Variants in RASSF5 observed in about 807,000 individuals in gnomAD.
The protein encoded by RASSF5 is Ras association domain family member 5, also known as ras association domain-containing protein 5.
RASSF5 carries 25 observed loss-of-function variants against 40.5 expected under a neutral mutation model. The ratio of observed to expected loss-of-function variants is 0.62; its 90% CI spans 0.45 to 0.86. The LOEUF (loss-of-function observed/expected upper bound fraction) is 0.86. Among genes scored for constraint, RASSF5 ranks in the 40% least tolerant of loss-of-function variants. The pLI, the probability that RASSF5 is intolerant of heterozygous loss-of-function variation, is 0.00. For synonymous variants in RASSF5, 246 were observed against 252.4 expected (o/e 0.97, Z 0.24); for missense variants, 521 against 572.8 (o/e 0.91, Z 0.92).
At chr1:206,514,602 A>G (rs963085420) in intron 1 of RASSF5, among the ~76,000 whole-genome samples, 2 of 152,228 alleles carry the variant, frequency 1.3e-5, no homozygotes, top group Non-Finnish European at 1.5e-5. Context: ...GACATCTGCA[A>G]TGGCCATTGG....
intron 1 of RASSF5, among the ~76,000 whole-genome samples, chr1:206,517,711 C>A (rs1553395597): frequency 6.6e-6 from 1 of 152,200 alleles, no homozygotes; most frequent in Non-Finnish European, 1.5e-5. Flanking sequence ...TGAGAGAACA[C>A]CTGTGAGTAC....
Position 206,588,114 on chromosome 1 carries a change from C to T in RASSF5, c.*1136C>T, listed in dbSNP as rs560429416. On this transcript the variant is annotated 3_prime_UTR_variant, in exon 6 of 6. Coordinates refer to ENST00000579436, the MANE Select transcript of RASSF5 (RefSeq NM_182663.4). Reference sequence around the variant, plus strand: ...TCGGAGAGCCGGTGGGCCTGGCCTCCCCGTCGACCTCAGTGCCTTTTTGTT... The same window carrying T: ...TCGGAGAGCCGGTGGGCCTGGCCTCTCCGTCGACCTCAGTGCCTTTTTGTT... 1 of 152,918 alleles carries T rather than the reference C, an allele frequency of 6.5e-6. No individual in the cohort carries two copies. Among genetic ancestry groups the T allele is most frequent in the Non-Finnish European group, 1.5e-5 (1 of 68,058 alleles). 9.5% of individuals were successfully genotyped at this position (152,918 alleles called of 1,614,324 possible).
intron 1 of RASSF5, among the ~76,000 whole-genome samples, chr1:206,515,932 G>GA (rs1666734685): frequency 6.6e-6 from 1 of 152,188 alleles, no homozygotes; most frequent in Non-Finnish European, 1.5e-5. Flanking sequence ...TTATTCAACT[G>GA]GAACAGATTC....
Position 206,508,068 on chromosome 1 carries a change from G to GA in RASSF5, c.457+11dup. 7.3e-7 allele frequency: 1 copy of GA among 1,374,944 alleles called. No homozygotes were observed. The highest frequency in any genetic ancestry group is 9.4e-7 in the Non-Finnish European group (1 of 1,064,378). 85.2% of individuals were successfully genotyped at this position (1,374,944 alleles called of 1,614,324 possible). On this transcript the variant is annotated intron_variant, in intron 1 of 5. Transcript: ENST00000579436. ...GGCGCTGCGCTGCACTAGTAAGTGT[G>GA]AAGGCAGGGGAGGGGCGTGCGGGGA...
chr1:206,572,867 A>G (rs533027440), intron 2 of RASSF5, among the ~76,000 whole-genome samples: 1 of 152,260 alleles, frequency 6.6e-6, no homozygotes, highest in Admixed American at 6.5e-5. Flanking sequence ...AGTTCTTAGG[A>G]CCCATGAAAG....
chr1:206,508,110 C>T, intron 1 of RASSF5, 51 bp downstream of exon 1: 5 of 1,283,768 alleles, frequency 3.9e-6, no homozygotes, highest in Non-Finnish European at 5.0e-6. Flanking sequence ...AGTCTGGGGG[C>T]GAAGGACTGG....
At chr1:206,529,812 C>G (rs1290577019) in intron 1 of RASSF5, 1 of 392,816 alleles carries the variant, frequency 2.5e-6, no homozygotes, top group Non-Finnish European at 4.8e-6. Context: ...GTAATCCCAG[C>G]TACTCAGTGG....
chr1:206,514,547 G>A (rs6661526), intron 1 of RASSF5, among the ~76,000 whole-genome samples: 1,841 of 152,232 alleles, frequency 0.012, 45 homozygotes, highest in African/African-American at 0.042. Context: ...CCCCATTCCT[G>A]TTTTTTGAAC....
chr1:206,523,741 A>G (rs1480499969), intron 1 of RASSF5, among the ~76,000 whole-genome samples: 2 of 97,514 alleles, frequency 2.1e-5, no homozygotes, highest in Non-Finnish European at 3.6e-5. Flanking sequence ...TATATATAAT[A>G]TATTTTATAT....
chr1:206,523,731 T>TC (rs1558498293), intron 1 of RASSF5, among the ~76,000 whole-genome samples: 17 of 81,702 alleles, frequency 2.1e-4, no homozygotes, highest in Admixed American at 2.1e-4. Flanking sequence ...ATTTATATAT[T>TC]ATATATAATA....
chr1:206,516,672 T>G (rs1666753665), intron 1 of RASSF5, among the ~76,000 whole-genome samples: 2 of 152,156 alleles, frequency 1.3e-5, no homozygotes, highest in Non-Finnish European at 2.9e-5. Context: ...TTAGCCAGGA[T>G]GGTCTCAATC....
At chr1:206,585,691 C>T (rs901050019) in intron 5 of RASSF5, 1 of 162,618 alleles carries the variant, frequency 6.1e-6, no homozygotes, top group African/African-American at 2.4e-5. Flanking sequence ...CATTTGTCCT[C>T]CCTTTTCTTG....
intron 2 of RASSF5, among the ~76,000 whole-genome samples, chr1:206,562,310 C>T (rs945822423): frequency 7.2e-5 from 11 of 152,220 alleles, no homozygotes; most frequent in Non-Finnish European, 1.5e-4. Flanking sequence ...CCCCTCACCA[C>T]CTCGGCATGA....
chr1:206,574,187 C>T (rs1668552200), intron 2 of RASSF5, among the ~76,000 whole-genome samples: 3 of 152,338 alleles, frequency 2.0e-5, no homozygotes, highest in Admixed American at 2.0e-4. Context: ...GAGCAGGGGA[C>T]CCCGTGTCCA....
In RASSF5 at chr1:206,587,000, C is replaced by T; in HGVS notation, c.*22C>T. 1 of 1,613,750 alleles carries T rather than the reference C, an allele frequency of 6.2e-7. No individual in the cohort carries two copies. The highest frequency in any genetic ancestry group is 8.5e-7 in the Non-Finnish European group (1 of 1,179,754). On this transcript the variant is annotated 3_prime_UTR_variant, in exon 6 of 6. Transcript: ENST00000579436. ...GTAACCGGTCCTGCTTCCTCTCCTC[C>T]TGGTGCATTCAGATTTATTTGTATT...
chr1:206,551,134 A>G (rs555216326), intron 2 of RASSF5, among the ~76,000 whole-genome samples: 2 of 152,340 alleles, frequency 1.3e-5, no homozygotes, highest in South Asian at 4.1e-4. Flanking sequence ...CTAGGGTCCC[A>G]CATCTAATCT....
chr1:206,507,598 C>G lies in RASSF5; in HGVS notation c.-5C>G. On this transcript the variant is annotated 5_prime_UTR_variant, in exon 1 of 6. Transcript: ENST00000579436. ...CGCTGCCAAAGCTGCCGCCACTAGC[C>G]GGGCATGGCCATGGCGTCCCCGGCC... is the stretch of plus-strand genomic sequence containing the variant. 1 of 1,497,686 alleles carries G rather than the reference C, an allele frequency of 6.7e-7. No homozygotes were observed. Among genetic ancestry groups the G allele is most frequent in the Non-Finnish European group, 8.8e-7 (1 of 1,130,806 alleles). 92.8% of individuals were successfully genotyped at this position (1,497,686 alleles called of 1,614,324 possible). A position where few individuals can be genotyped will look rare whatever the true frequency, so the allele number is the denominator to read the frequency against.
At chr1:206,538,412 G>T in intron 2 of RASSF5, 119 bp downstream of exon 2, 1 of 1,337,818 alleles carries the variant, frequency 7.5e-7, no homozygotes, top group Middle Eastern at 2.7e-4. Context: ...GATTCCACAT[G>T]CACTGGATGG....
At chr1:206,565,422 C>T (rs979563247) in intron 2 of RASSF5, among the ~76,000 whole-genome samples, 1 of 152,250 alleles carries the variant, frequency 6.6e-6, no homozygotes, top group Non-Finnish European at 1.5e-5. Context: ...ATACTTGGTT[C>T]TCCCTCTTTA....
Sources: gnomAD v4.1 joint callset for allele counts (sites outside exome capture counted in the v4.1 genomes callset) on GRCh38, gnomAD v4.1.1 for gene constraint, MANE v1.5 for transcripts, NCBI Gene and HGNC (gene_info 2026-07-23, HGNC 2026-07-21) for gene names.